Variants in SPC25 observed in about 807,000 individuals in gnomAD.
The protein encoded by SPC25 is kinetochore protein Spc25.
SPC25 carries 22 observed loss-of-function variants against 29.6 expected under a neutral mutation model. The ratio of observed to expected loss-of-function variants is 0.74; its 90% confidence interval spans 0.53 to 1.06. The LOEUF is 1.06. SPC25 is among the 50% of genes least tolerant of loss of function. SPC25 has a pLI of 0.00. For missense variants in SPC25, 230 were observed against 255.8 expected (o/e 0.90, Z 0.69); for synonymous variants, 91 against 90.4 (o/e 1.01, Z -0.04).
intron 3 of SPC25, among the ~76,000 whole-genome samples, chr2:168,887,466 A>G (rs1300613372): frequency 6.6e-6 from 1 of 152,050 alleles, no homozygotes. Context: ...GAAAGTAAAC[A>G]TGGGTAAAAG....
downstream of SPC25, among the ~76,000 whole-genome samples, chr2:168,869,678 C>A (rs962524642): frequency 1.3e-5 from 2 of 152,150 alleles, no homozygotes; most frequent in African/African-American, 2.4e-5. Flanking sequence ...TCAAGGAGAA[C>A]TACAACCACT....
chr2:168,879,710 A>C (rs1690143019), intron 3 of SPC25, among the ~76,000 whole-genome samples: 1 of 152,178 alleles, frequency 6.6e-6, no homozygotes, highest in African/African-American at 2.4e-5. Context: ...GAAGGTTTTC[A>C]ATTTATTTTG....
chr2:168,888,512 G>A (rs377383212), intron 3 of SPC25, among the ~76,000 whole-genome samples: 27 of 152,148 alleles, frequency 1.8e-4, no homozygotes, highest in Non-Finnish European at 8.8e-5. Flanking sequence ...CCAAGATCGC[G>A]CCACTGCACT....
chr2:168,870,065 C>A (rs1427108284), downstream of SPC25, among the ~76,000 whole-genome samples: 2 of 146,346 alleles, frequency 1.4e-5, no homozygotes, highest in African/African-American at 5.0e-5. Flanking sequence ...TATCTACAAC[C>A]ATCTGATCTT....
At chr2:168,864,939 C>G in intron 4 of SPC25, 1 of 1,614,090 alleles carries the variant, frequency 6.2e-7, no homozygotes, top group Non-Finnish European at 8.5e-7. Context: ...GAGTTACCTT[C>G]AAATGCTGGC....
At chr2:168,865,176 C>G in intron 4 of SPC25, 1 of 579,038 alleles carries the variant, frequency 1.7e-6, no homozygotes, top group Non-Finnish European at 3.0e-6. Context: ...AAGGAAGAGG[C>G]TCCTTGGTTC....
At chr2:168,864,249 T>C (rs1689699904) in intron 4 of SPC25, among the ~76,000 whole-genome samples, 1 of 150,524 alleles carries the variant, frequency 6.6e-6, no homozygotes, top group Non-Finnish European at 1.5e-5. Flanking sequence ...CGTGCTGGGA[T>C]TACAGCTGTC....
chr2:168,865,080 G>C, intron 4 of SPC25: 2 of 1,169,868 alleles, frequency 1.7e-6, no homozygotes, highest in South Asian at 1.5e-5. Flanking sequence ...GAAATGGATG[G>C]AGTTCTACCT....
At chr2:168,861,765 C>A (rs75738465) in intron 4 of SPC25, among the ~76,000 whole-genome samples, 1 of 152,108 alleles carries the variant, frequency 6.6e-6, no homozygotes, top group Non-Finnish European at 1.5e-5. Context: ...CATATGCAGT[C>A]CATACATATA....
At chr2:168,867,073 C>A (rs1177708408), downstream of SPC25, among the ~76,000 whole-genome samples, 3 of 152,114 alleles carry the variant, frequency 2.0e-5, no homozygotes, top group Admixed American at 2.0e-4. Context: ...GTGGCGATTC[C>A]TCAGGGATCT....
chr2:168,875,656 A>C (rs1690072375), intron 5 of SPC25, among the ~76,000 whole-genome samples: 2 of 152,150 alleles, frequency 1.3e-5, no homozygotes, highest in African/African-American at 4.8e-5. Flanking sequence ...TAAAACTGAA[A>C]AAAATGGCAG....
Position 168,890,412 on chromosome 2 carries a change from C to T in SPC25, c.-109G>A, listed in dbSNP as rs1690376784. 3 of 985,476 alleles carry T rather than the reference C, an allele frequency of 3.0e-6. No homozygotes were observed. Among genetic ancestry groups the T allele is most frequent in the Non-Finnish European group, 3.6e-6 (3 of 830,006 alleles). 61.0% of individuals were successfully genotyped at this position (985,476 alleles called of 1,614,324 possible). A position where few individuals can be genotyped will look rare whatever the true frequency, so the allele number is the denominator to read the frequency against. ...GACTCTAGGCTCAGCTCCCGCAGCC[C>T]CGCCAACTTTCCGATTTCAAACCTA... On this transcript the variant is annotated 5_prime_UTR_variant, in exon 1 of 7. Transcript: ENST00000282074.
intron 3 of SPC25, among the ~76,000 whole-genome samples, 168 bp downstream of exon 3, chr2:168,889,030 TATACATATATATATACACATATATATAC>T (rs1477078504): frequency 8.6e-4 from 24 of 27,890 alleles, no homozygotes; most frequent in African/African-American, 2.5e-3. Flanking sequence ...TACACATATA[TATACATATATATATACACATATATATAC>T]ATATATATAT....
chr2:168,877,722 C>T (rs1175425132), intron 3 of SPC25, among the ~76,000 whole-genome samples: 1 of 151,882 alleles, frequency 6.6e-6, no homozygotes, highest in Non-Finnish European at 1.5e-5. Flanking sequence ...TAACTAAACT[C>T]TATTATTTAT....
rs1403282897 is a variant in SPC25, at chr2:168,876,072, C to T, written c.451G>A (p.Gly151Ser). 4.0e-6 allele frequency: 6 copies of T among 1,503,470 alleles called. No individual in the cohort carries two copies. In the Admixed American group the frequency reaches 1.2e-4, roughly 30 times the overall value. The allele number at this position is 1,503,470 out of a possible 1,614,324, so 93.1% of individuals were successfully genotyped here. A position where few individuals can be genotyped will look rare whatever the true frequency, so the allele number is the denominator to read the frequency against. ...ATTTTATTTATATTAACAAACTTAC[C>T]ATAAATTTTTCGAATTTCTAGTCCA... is the stretch of plus-strand genomic sequence containing the variant. ...RLGLEIRKIYGEKLQFIFTNI... is the reference protein window; with the variant it reads ...RLGLEIRKIYSEKLQFIFTNI... The change falls in exon 5 of 7, where the codon GGT becomes AGT. Residue 151 changes from glycine (G) to serine (S), a missense_variant and splice_region_variant. Coordinates refer to ENST00000282074, the MANE Select transcript of SPC25 (RefSeq NM_020675.4).
At position 168,875,939 on chromosome 2, in the gene SPC25, G is replaced by A. The variant is rs1317076087; in HGVS notation, c.451+133C>T. Reference sequence around the variant, plus strand: ...GCTACATTAGAATAATTTAAAAATTGTAATTTTTTCCTATTTTCTAAAAAG... The same window carrying A: ...GCTACATTAGAATAATTTAAAAATTATAATTTTTTCCTATTTTCTAAAAAG... On this transcript the variant is annotated intron_variant, in intron 5 of 6. Coordinates refer to ENST00000282074, the MANE Select transcript of SPC25 (RefSeq NM_020675.4). 1.7e-5 allele frequency: 8 copies of A among 464,956 alleles called. No individual in the cohort carries two copies. The Admixed American group carries it at 2.2e-4, about 12-fold the overall frequency. 28.8% of individuals were successfully genotyped at this position (464,956 alleles called of 1,614,324 possible).
intron 3 of SPC25, among the ~76,000 whole-genome samples, chr2:168,883,620 G>T (rs977386586): frequency 6.6e-6 from 1 of 152,140 alleles, no homozygotes; most frequent in Admixed American, 6.5e-5. Context: ...ATTCACTGGG[G>T]TTAGAGTATC....
intron 3 of SPC25, among the ~76,000 whole-genome samples, chr2:168,880,282 T>C (rs142894318): frequency 6.6e-6 from 1 of 152,250 alleles, no homozygotes; most frequent in Non-Finnish European, 1.5e-5. Flanking sequence ...TCAATGATCT[T>C]AGCTAGATAA....
chr2:168,879,862 CT>C (rs1690146671), intron 3 of SPC25, among the ~76,000 whole-genome samples: 1 of 152,196 alleles, frequency 6.6e-6, no homozygotes, highest in Non-Finnish European at 1.5e-5. Flanking sequence ...CAACACTAAT[CT>C]CCATCAGCGC....
Sources: gnomAD v4.1 joint callset for allele counts (sites outside exome capture counted in the v4.1 genomes callset) on GRCh38, gnomAD v4.1.1 for gene constraint, MANE v1.5 for transcripts, NCBI Gene and HGNC (gene_info 2026-07-23, HGNC 2026-07-21) for gene names.